FAM227B: variants seen among roughly 807,000 people sequenced by gnomAD.
FAM227B encodes the protein family with sequence similarity 227 member B, also known as protein FAM227B.
FAM227B carries 88 observed loss-of-function variants against 73.8 expected under a neutral mutation model. The observed-to-expected ratio is 1.19, with a 90% CI of 1.00 to 1.42. The LOEUF (loss-of-function observed/expected upper bound fraction) is 1.42, where lower values mean the gene tolerates loss of function less well. Among genes scored for constraint, FAM227B ranks in the 40% most tolerant of loss-of-function variants. FAM227B has a pLI of 0.00. For synonymous variants in FAM227B, 210 were observed against 190.5 expected (o/e 1.10, Z -0.84); for missense variants, 632 against 590.9 (o/e 1.07, Z -0.72).
rs2056852447 is a variant in FAM227B at position 49,489,855 on chromosome 15, ATAT to A, written c.1012+18353_1012+18355del. On this transcript the variant is annotated intron_variant, in intron 11 of 15. Coordinates refer to ENST00000299338, the MANE Select transcript of FAM227B (RefSeq NM_152647.3). ...ATATATATATTTTATATATATATAT[ATAT>A]TTTATATATATATATATATATATAT... Among the ~76,000 whole-genome samples, 19 of 14,940 alleles carry A rather than the reference ATAT, an allele frequency of 1.3e-3. 5 individuals carry two copies. The South Asian group carries it at 0.053, about 42-fold the overall frequency. The allele number at this position is 14,940 out of a possible 152,430, so 9.8% of individuals were successfully genotyped here. A position where few individuals can be genotyped will look rare whatever the true frequency, so the allele number is the denominator to read the frequency against.
intron 10 of FAM227B, among the ~76,000 whole-genome samples, chr15:49,529,655 A>G (rs1307774799): frequency 6.6e-6 from 1 of 151,674 alleles, no homozygotes; most frequent in East Asian, 1.9e-4. Context: ...CTATAGTGCA[A>G]TATCACACTA....
chr15:49,434,603 A>T (rs1474738127), intron 11 of FAM227B: 1 of 151,632 alleles, frequency 6.6e-6, no homozygotes, highest in African/African-American at 2.4e-5. Flanking sequence ...AAGATTGGGA[A>T]ATGAAAAGTG....
intron 11 of FAM227B, among the ~76,000 whole-genome samples, chr15:49,397,231 A>G (rs138972091): frequency 0.69 from 104,793 of 151,998 alleles, 36,546 homozygotes; most frequent in African/African-American, 0.76. Context: ...GCGATCAACT[A>G]GAAGAAAGGG....
chr15:49,377,246 T>C (rs556555001), intron 11 of FAM227B, among the ~76,000 whole-genome samples: 6 of 152,232 alleles, frequency 3.9e-5, no homozygotes, highest in Non-Finnish European at 5.9e-5. Flanking sequence ...TATGTACACA[T>C]TTTCTTATTC....
At chr15:49,400,817 G>C (rs2048083701) in intron 11 of FAM227B, among the ~76,000 whole-genome samples, 1 of 150,610 alleles carries the variant, frequency 6.6e-6, no homozygotes, top group Admixed American at 6.6e-5. Flanking sequence ...GCTGAAACTT[G>C]ATCCCTTCCT....
intron 11 of FAM227B, among the ~76,000 whole-genome samples, chr15:49,495,508 T>C (rs950971818): frequency 5.9e-5 from 9 of 152,156 alleles, no homozygotes; most frequent in African/African-American, 1.9e-4. Flanking sequence ...CTTTGGGAGT[T>C]TGTATGTCTG....
intron 11 of FAM227B, among the ~76,000 whole-genome samples, chr15:49,506,608 A>T (rs778956174): frequency 2.0e-5 from 3 of 152,050 alleles, no homozygotes; most frequent in Non-Finnish European, 1.5e-5. Flanking sequence ...AGACCACAGT[A>T]GTTTTTTTTT....
At chr15:49,428,317 G>T (rs1399602501) in intron 11 of FAM227B, among the ~76,000 whole-genome samples, 1 of 151,856 alleles carries the variant, frequency 6.6e-6, no homozygotes, top group Non-Finnish European at 1.5e-5. Flanking sequence ...CTAATAATAA[G>T]AATACTAAAA....
chr15:49,355,470 A>G (rs1046683787), intron 13 of FAM227B, among the ~76,000 whole-genome samples: 1 of 152,216 alleles, frequency 6.6e-6, no homozygotes, highest in African/African-American at 2.4e-5. Context: ...CGATGCGATC[A>G]ACTGGAAGAA....
In FAM227B at chr15:49,332,091, A is replaced by C. The variant is rs1325095532; in HGVS notation, c.1350-242T>G. Reference sequence around the variant, plus strand: ...CCCGCTGCATGTGCACACGTGCCACACACACACACACACACACACACACAC... The same window carrying C: ...CCCGCTGCATGTGCACACGTGCCACCCACACACACACACACACACACACAC... On this transcript the variant is annotated intron_variant, in intron 14 of 15. Transcript: ENST00000299338. Among the ~76,000 whole-genome samples the C allele has an allele frequency of 4.1e-3, 300 of 73,158 alleles. 2 individuals carry two copies. The highest frequency in any genetic ancestry group is 0.02 in the Middle Eastern group (3 of 148). 48.0% of individuals were successfully genotyped at this position (73,158 alleles called of 152,430 possible).
Position 49,549,959 on chromosome 15 carries a change from G to C in FAM227B, c.748-8153C>G, listed in dbSNP as rs572330899. 2.5e-4 allele frequency among the ~76,000 whole-genome samples: 33 copies of C among 130,142 alleles called. No homozygotes were observed. The South Asian group carries it at 7.5e-3, about 30-fold the overall frequency. 85.4% of individuals were successfully genotyped at this position (130,142 alleles called of 152,430 possible). ...CGGATGGGGCGGCTGGCCGGGCGGG[G>C]GGCTGACCCCCCCACCTCCCTCCCA... On this transcript the variant is annotated intron_variant, in intron 9 of 15. Coordinates refer to ENST00000299338, the MANE Select transcript of FAM227B (RefSeq NM_152647.3).
At position 49,327,752 on chromosome 15, in the gene FAM227B, T is replaced by G; in HGVS notation, c.*816A>C. On this transcript the variant is annotated 3_prime_UTR_variant, in exon 16 of 16. Coordinates refer to ENST00000299338, the MANE Select transcript of FAM227B (RefSeq NM_152647.3). ...CTTGGAGTCAAAACCAGGGACTAGA[T>G]TTAGATACAATGAAAAAATTCCAAA... The G allele has an allele frequency of 2.1e-6, 1 of 474,514 alleles. No individual in the cohort carries two copies. Among genetic ancestry groups the G allele is most frequent in the Non-Finnish European group, 3.7e-6 (1 of 273,464 alleles). 29.4% of individuals were successfully genotyped at this position (474,514 alleles called of 1,614,324 possible).
intron 10 of FAM227B, among the ~76,000 whole-genome samples, chr15:49,528,571 G>A (rs1038071665): frequency 1.3e-5 from 2 of 151,794 alleles, no homozygotes; most frequent in Non-Finnish European, 2.9e-5. Context: ...TCTACAGAAT[G>A]AGAAAAAGTA....
intron 11 of FAM227B, among the ~76,000 whole-genome samples, chr15:49,403,854 T>C (rs915170737): frequency 1.6e-4 from 24 of 152,066 alleles, no homozygotes; most frequent in Non-Finnish European, 3.2e-4. Context: ...TGATGTTAGG[T>C]TGTTAACTTG....
chr15:49,479,178 C>T (rs2055647566), intron 11 of FAM227B, among the ~76,000 whole-genome samples: 1 of 152,192 alleles, frequency 6.6e-6, no homozygotes, highest in Non-Finnish European at 1.5e-5. Flanking sequence ...ATATTGCTGA[C>T]AAGGCTAAAT....
intron 9 of FAM227B, among the ~76,000 whole-genome samples, chr15:49,555,016 G>A (rs1328874333): frequency 3.9e-5 from 6 of 152,042 alleles, no homozygotes; most frequent in African/African-American, 1.2e-4. Flanking sequence ...CATACAGTTG[G>A]GTCTTCTTTA....
intron 13 of FAM227B, among the ~76,000 whole-genome samples, chr15:49,352,267 C>T (rs369879036): frequency 1.3e-5 from 2 of 152,286 alleles, no homozygotes; most frequent in East Asian, 3.9e-4. Context: ...AAGTCAAACT[C>T]TAATGGTTGA....
intron 10 of FAM227B, among the ~76,000 whole-genome samples, chr15:49,535,879 T>G (rs923727765): frequency 6.6e-6 from 1 of 151,518 alleles, no homozygotes; most frequent in Non-Finnish European, 1.5e-5. Flanking sequence ...TGATAAAAAC[T>G]CTCAACAGTT....
Position 49,351,251 on chromosome 15 carries a change from A to G in FAM227B, c.1272-15755T>C, listed in dbSNP as rs147322641. ...ATATTTTCAGTTTCAAATGTCTTCC[A>G]CACAATGCAAAAATGACTACTAGCT... is the stretch of plus-strand genomic sequence containing the variant. On this transcript the variant is annotated intron_variant, in intron 13 of 15. Coordinates refer to ENST00000299338, the MANE Select transcript of FAM227B (RefSeq NM_152647.3). Among the ~76,000 whole-genome samples the G allele has an allele frequency of 7.8e-3, 1,185 of 152,328 alleles. 13 individuals carry two copies. Among genetic ancestry groups the G allele is most frequent in the African/African-American group, 0.028 (1,145 of 41,574 alleles).
Sources: allele counts gnomAD v4.1 joint callset (sites outside exome capture counted in the v4.1 genomes callset), GRCh38; gene constraint gnomAD v4.1.1; transcripts MANE v1.5; gene names NCBI Gene and HGNC (gene_info 2026-07-23, HGNC 2026-07-21).